The following FGF12 variants were observed in gnomAD, a reference collection of about 807,000 sequenced individuals.
FGF12 encodes the protein fibroblast growth factor 12B.
In FGF12, 14 loss-of-function variants were observed where a neutral mutation model predicts 23.6. That is an observed-to-expected ratio of 0.59 (90% CI 0.39 to 0.93). The LOEUF is 0.93. FGF12 is among the 40% of genes least tolerant of loss of function. The probability of loss-of-function intolerance (pLI) is 0.00; values close to 1 mark genes in which losing one functional copy is unlikely to be tolerated. For missense variants in FGF12, 175 were observed against 217.8 expected, an observed-to-expected ratio of 0.80 and a Z score of 1.24; for synonymous variants, 62 against 77.3, an observed-to-expected ratio of 0.80 and a Z score of 1.04.
At chr3:192,616,400 A>G (rs536314046) in intron 2 of FGF12, among the ~76,000 whole-genome samples, 1 of 152,134 alleles carries the variant, frequency 6.6e-6, no homozygotes, top group African/African-American at 2.4e-5. Flanking sequence ...TACCTCATCA[A>G]CTTATAAAAG....
intron 4 of FGF12, among the ~76,000 whole-genome samples, chr3:192,231,412 T>A (rs906337183): frequency 6.6e-6 from 1 of 152,164 alleles, no homozygotes; most frequent in African/African-American, 2.4e-5. Context: ...TTTTCATGCA[T>A]TTAAATTAGG....
chr3:192,565,803 T>C (rs1338537966), intron 2 of FGF12, among the ~76,000 whole-genome samples: 1 of 152,316 alleles, frequency 6.6e-6, no homozygotes, highest in Non-Finnish European at 1.5e-5. Context: ...GACGCATGAC[T>C]GGGCCGGGCA....
rs531132706 is a variant in FGF12, at chr3:192,727,040, G to C, written c.13+141C>G. On this transcript the variant is annotated intron_variant, in intron 2 of 5. Coordinates refer to ENST00000445105, the MANE Select transcript of FGF12 (RefSeq NM_004113.6). The stretch of plus-strand genomic sequence containing the variant: ...GTCGCCTTCCTGCCACACTTCCCCA[G>C]TGCTGCAATGGACATAGCATCTCCT... 2.0e-5 allele frequency: 21 copies of C among 1,050,488 alleles called. No homozygotes were observed. The East Asian group carries it at 3.6e-4, about 18-fold the overall frequency. The allele number at this position is 1,050,488 out of a possible 1,614,324, so 65.1% of individuals were successfully genotyped here. A position where few individuals can be genotyped will look rare whatever the true frequency, so the allele number is the denominator to read the frequency against.
intron 2 of FGF12, among the ~76,000 whole-genome samples, chr3:192,403,111 C>A (rs1213485055): frequency 6.6e-6 from 1 of 152,108 alleles, no homozygotes; most frequent in African/African-American, 2.4e-5. Context: ...AGCAAATCTA[C>A]AAAATTTCCA....
Position 192,408,743 on chromosome 3 carries a change from A to G in FGF12, c.14-48205T>C, listed in dbSNP as rs976350436. 2 of 986,742 alleles carry G rather than the reference A, an allele frequency of 2.0e-6. No individual in the cohort carries two copies. The allele number at this position is 986,742 out of a possible 1,614,324, so 61.1% of individuals were successfully genotyped here. ...CCCAGGCGGGTAGCGCGCCCCCGGT[A>G]GAAAATACTAAAAAGTGAATAAAAC... On this transcript the variant is annotated intron_variant, in intron 2 of 5. Transcript: ENST00000445105. The surrounding 1 kb of genome is among the most constrained non-coding windows in gnomAD (Gnocchi z 7.3).
intron 4 of FGF12, among the ~76,000 whole-genome samples, chr3:192,209,199 C>G (rs1010935230): frequency 6.6e-6 from 1 of 152,068 alleles, no homozygotes; most frequent in Non-Finnish European, 1.5e-5. Flanking sequence ...ACATTTTCTC[C>G]CCTACTTCTT....
intron 2 of FGF12, among the ~76,000 whole-genome samples, chr3:192,657,436 A>G (rs1716472665): frequency 6.9e-6 from 1 of 144,614 alleles, no homozygotes; most frequent in Non-Finnish European, 1.5e-5. Flanking sequence ...AAAAAAACAG[A>G]GAACTATTAG....
chr3:192,609,156 T>G (rs1714455933), intron 2 of FGF12, among the ~76,000 whole-genome samples: 1 of 152,124 alleles, frequency 6.6e-6, no homozygotes, highest in Admixed American at 6.6e-5. Flanking sequence ...ATTTGTTATA[T>G]AAGCCTGGTG....
At chr3:192,319,863 A>G (rs1033819948) in intron 4 of FGF12, among the ~76,000 whole-genome samples, 4 of 152,196 alleles carry the variant, frequency 2.6e-5, no homozygotes, top group African/African-American at 9.6e-5. Context: ...ACAAAAAAAT[A>G]GCAAGAAATT....
intron 5 of FGF12, among the ~76,000 whole-genome samples, chr3:192,159,336 C>T (rs1163102233): frequency 6.6e-6 from 1 of 152,182 alleles, no homozygotes; most frequent in East Asian, 1.9e-4. Flanking sequence ...ATTATTTCCT[C>T]CTTTTTGACA....
At chr3:192,651,509 C>A (rs1269081586) in intron 2 of FGF12, among the ~76,000 whole-genome samples, 1 of 151,992 alleles carries the variant, frequency 6.6e-6, no homozygotes, top group African/African-American at 2.4e-5. Context: ...TTCCCCTCGC[C>A]TTTGAAGACA....
chr3:192,467,623 A>G (rs1441440216), intron 2 of FGF12, among the ~76,000 whole-genome samples: 2 of 152,214 alleles, frequency 1.3e-5, no homozygotes, highest in African/African-American at 4.8e-5. Context: ...CTACACTTAC[A>G]GAGAGGAAGG....
At chr3:192,236,662 T>A (rs986717359) in intron 4 of FGF12, among the ~76,000 whole-genome samples, 16 of 152,152 alleles carry the variant, frequency 1.1e-4, no homozygotes, top group African/African-American at 3.1e-4. Context: ...TCTGAAATAA[T>A]AATAGCCACA....
intron 2 of FGF12, among the ~76,000 whole-genome samples, chr3:192,679,535 G>T (rs1274131665): frequency 6.6e-6 from 1 of 151,994 alleles, no homozygotes; most frequent in African/African-American, 2.4e-5. Context: ...GAGCCCTGGA[G>T]TTTGAGGCTG....
At chr3:192,484,243 T>G (rs1462923589) in intron 2 of FGF12, among the ~76,000 whole-genome samples, 1 of 151,182 alleles carries the variant, frequency 6.6e-6, no homozygotes, top group African/African-American at 2.4e-5. Flanking sequence ...GTGCAAAGAT[T>G]CTGATCTCTA....
In FGF12 at chr3:192,349,995, T is replaced by C. The variant is rs543605684; in HGVS notation, c.124+10433A>G. Among the ~76,000 whole-genome samples, 9 of 152,270 alleles carry C rather than the reference T, an allele frequency of 5.9e-5. No homozygotes were observed. The East Asian group carries it at 1.7e-3, about 29-fold the overall frequency. On this transcript the variant is annotated intron_variant, in intron 3 of 5. Transcript: ENST00000445105. ...GCTCATTGCCCCCATGAAGCTTATA[T>C]TCTAATTAAATCTTTTGGTTTCAAT...
intron 4 of FGF12, among the ~76,000 whole-genome samples, chr3:192,184,313 TG>T (rs1716339656): frequency 6.6e-6 from 1 of 152,236 alleles, no homozygotes; most frequent in African/African-American, 2.4e-5. Flanking sequence ...ATATAATAGT[TG>T]TTTTCACTTT....
intron 2 of FGF12, among the ~76,000 whole-genome samples, chr3:192,431,356 T>C (rs1393313485): frequency 2.0e-5 from 3 of 152,182 alleles, no homozygotes; most frequent in Non-Finnish European, 2.9e-5. Flanking sequence ...GATTAGATCT[T>C]AGCTAAAGGG....
chr3:192,421,199 G>C (rs909083837), intron 2 of FGF12, among the ~76,000 whole-genome samples: 1 of 152,066 alleles, frequency 6.6e-6, no homozygotes, highest in African/African-American at 2.4e-5. Context: ...AAAGTTGTGT[G>C]ACCATAGAAA....
Sources: allele counts gnomAD v4.1 joint callset (sites outside exome capture counted in the v4.1 genomes callset), GRCh38; gene constraint gnomAD v4.1.1; non-coding constraint Gnocchi (gnomAD v3.1); transcripts MANE v1.5; gene names NCBI Gene and HGNC (gene_info 2026-07-23, HGNC 2026-07-21).